The following DSCAM variants were observed in gnomAD, a reference collection of about 807,000 sequenced individuals.
DSCAM encodes cell adhesion molecule DSCAM.
In DSCAM, 47 loss-of-function variants were observed where a neutral mutation model predicts 217.7. The observed-to-expected ratio is 0.22, with a 90% CI of 0.17 to 0.28. The LOEUF (loss-of-function observed/expected upper bound fraction) is 0.28. Ranked by LOEUF, DSCAM falls within the 10% of genes least tolerant of loss-of-function variation. DSCAM has a pLI of 1.00. For synonymous variants in DSCAM, 1,056 were observed against 1,015.3 expected, an observed-to-expected ratio of 1.04 and a Z score of -0.76; for missense variants, 2,080 against 2,618.3, an observed-to-expected ratio of 0.79 and a Z score of 4.49.
At chr21:40,481,897 G>T (rs1252006454) in intron 3 of DSCAM, among the ~76,000 whole-genome samples, 1 of 152,298 alleles carries the variant, frequency 6.6e-6, no homozygotes, top group East Asian at 1.9e-4. Flanking sequence ...TACAGCAAAT[G>T]AAAGGCAGAG....
chr21:40,743,675 T>C (rs559168610), intron 1 of DSCAM, among the ~76,000 whole-genome samples: 9 of 152,160 alleles, frequency 5.9e-5, no homozygotes, highest in African/African-American at 1.7e-4. Flanking sequence ...TACAAGAGAG[T>C]TATTCTGATA....
chr21:40,604,308 T>C (rs1266610712), intron 3 of DSCAM, among the ~76,000 whole-genome samples: 2 of 152,208 alleles, frequency 1.3e-5, no homozygotes, highest in Admixed American at 1.3e-4. Context: ...TTTCCATTTC[T>C]GTGCTGACAT....
Position 40,134,004 on chromosome 21 carries a change from C to A in DSCAM, c.3412G>T (p.Gly1138Cys). The A allele has an allele frequency of 6.2e-7, 1 of 1,607,932 alleles. No homozygotes were observed. Among genetic ancestry groups the A allele is most frequent in the Non-Finnish European group, 8.5e-7 (1 of 1,177,584 alleles). Reference sequence around the variant, plus strand: ...GTGGTGGTGATGTTTTTAATCTCACCCAGCTCTGGAGGACAAGAACAAGAA... The same window carrying A: ...GTGGTGGTGATGTTTTTAATCTCACACAGCTCTGGAGGACAAGAACAAGAA... The part of the protein sequence containing the change: ...YWANLMDGEL[G>C]EIKNITTTQP... The change falls in exon 19 of 33, where the codon GGT becomes TGT. Residue 1138 changes from glycine (G) to cysteine (C), a missense_variant. By Grantham distance (159) the Gly-to-Cys change is radical (BLOSUM62 -3). Transcript: ENST00000400454.
chr21:40,186,859 A>C (rs1159693219), intron 14 of DSCAM, among the ~76,000 whole-genome samples: 1 of 152,170 alleles, frequency 6.6e-6, no homozygotes. Context: ...CCACATGCCA[A>C]CAGGAAGCTG....
At chr21:40,643,967 T>A (rs2089913524) in intron 3 of DSCAM, among the ~76,000 whole-genome samples, 2 of 152,186 alleles carry the variant, frequency 1.3e-5, no homozygotes, top group South Asian at 4.1e-4. Flanking sequence ...CTTCATTCCA[T>A]CCACATTTGT....
intron 8 of DSCAM, among the ~76,000 whole-genome samples, chr21:40,333,866 C>T (rs770731046): frequency 6.6e-6 from 1 of 152,116 alleles, no homozygotes; most frequent in African/African-American, 2.4e-5. Flanking sequence ...TCCCAAGTAG[C>T]TGGGATTACA....
At position 40,592,912 on chromosome 21, in the gene DSCAM, G is replaced by T. The variant is rs547518509; in HGVS notation, c.508+99898C>A. ...AGAACTCACAAGCACGCACATATTT[G>T]TTGAGCTAATGAATTGCAGATATTG... On this transcript the variant is annotated intron_variant, in intron 3 of 32. Coordinates refer to ENST00000400454, the MANE Select transcript of DSCAM (RefSeq NM_001389.5). Among the ~76,000 whole-genome samples the T allele has an allele frequency of 2.4e-4, 37 of 152,284 alleles. No individual in the cohort carries two copies. The South Asian group carries it at 6.4e-3, about 26-fold the overall frequency.
chr21:40,334,429 T>C (rs1342711521), intron 8 of DSCAM, among the ~76,000 whole-genome samples: 1 of 152,134 alleles, frequency 6.6e-6, no homozygotes, highest in African/African-American at 2.4e-5. Flanking sequence ...GTCTTTATTT[T>C]CCTCACACCT....
At chr21:40,183,609 G>A (rs1254035852) in intron 14 of DSCAM, among the ~76,000 whole-genome samples, 1 of 152,186 alleles carries the variant, frequency 6.6e-6, no homozygotes, top group Non-Finnish European at 1.5e-5. Context: ...AGGGTTAAGA[G>A]GTGGGAGGAG....
intron 19 of DSCAM, among the ~76,000 whole-genome samples, chr21:40,127,806 G>T (rs971414857): frequency 3.9e-5 from 6 of 152,126 alleles, no homozygotes; most frequent in African/African-American, 1.4e-4. Context: ...GGTCCACATG[G>T]ACAGGACAGG....
intron 3 of DSCAM, among the ~76,000 whole-genome samples, chr21:40,485,530 C>A (rs1228954722): frequency 6.6e-6 from 1 of 152,050 alleles, no homozygotes; most frequent in Non-Finnish European, 1.5e-5. Context: ...GCGTGAGCCA[C>A]CGCGCCCGGC....
intron 10 of DSCAM, among the ~76,000 whole-genome samples, chr21:40,294,605 T>C (rs777942832): frequency 6.6e-6 from 1 of 152,012 alleles, no homozygotes; most frequent in Non-Finnish European, 1.5e-5. Flanking sequence ...TTTATGAGAG[T>C]GAAAACTGTA....
At chr21:40,434,343 C>T (rs2075564232) in intron 3 of DSCAM, among the ~76,000 whole-genome samples, 1 of 152,196 alleles carries the variant, frequency 6.6e-6, no homozygotes, top group Non-Finnish European at 1.5e-5. Context: ...CGTCAAACAT[C>T]AGCAAATGAG....
At chr21:40,376,495 CTATA>C (rs1326572184) in intron 3 of DSCAM, among the ~76,000 whole-genome samples, 2 of 104,816 alleles carry the variant, frequency 1.9e-5, no homozygotes, top group Non-Finnish European at 3.8e-5. Flanking sequence ...ATATAGATAT[CTATA>C]TATCTTATAT....
chr21:40,083,656 T>C (rs1463467599), intron 24 of DSCAM, among the ~76,000 whole-genome samples: 1 of 152,252 alleles, frequency 6.6e-6, no homozygotes, highest in Non-Finnish European at 1.5e-5. Flanking sequence ...AAATTTCTTT[T>C]TTCTTTCTTT....
chr21:40,669,479 C>T (rs2090243897), intron 3 of DSCAM, among the ~76,000 whole-genome samples: 1 of 152,154 alleles, frequency 6.6e-6, no homozygotes, highest in Non-Finnish European at 1.5e-5. Context: ...AAAATCTCTG[C>T]TTTCCTGTAG....
In DSCAM at chr21:40,613,804, GA is replaced by G. The variant is rs528193281; in HGVS notation, c.508+79005del. Reference sequence around the variant, plus strand: ...GATGGGCTATAATTTAGCAGAGAAGGAAAAAAAAAAAAGGCAATCCAATTAA... The same window carrying G: ...GATGGGCTATAATTTAGCAGAGAAGGAAAAAAAAAAAGGCAATCCAATTAA... On this transcript the variant is annotated intron_variant, in intron 3 of 32. Coordinates refer to ENST00000400454, the MANE Select transcript of DSCAM (RefSeq NM_001389.5). Among the ~76,000 whole-genome samples, 299 of 138,294 alleles carry G rather than the reference GA, an allele frequency of 2.2e-3. 3 individuals carry two copies. The highest frequency in any genetic ancestry group is 0.011 in the Middle Eastern group (3 of 268). 90.7% of individuals were successfully genotyped at this position (138,294 alleles called of 152,430 possible).
chr21:40,618,199 TG>T (rs1681509694), intron 3 of DSCAM, among the ~76,000 whole-genome samples: 2 of 152,258 alleles, frequency 1.3e-5, no homozygotes, highest in South Asian at 4.1e-4. Context: ...ATCAACAGGC[TG>T]CTTGATGCCT....
At chr21:40,683,634 G>T (rs572634977) in intron 3 of DSCAM, among the ~76,000 whole-genome samples, 1 of 152,266 alleles carries the variant, frequency 6.6e-6, no homozygotes, top group South Asian at 2.1e-4. Flanking sequence ...GCCGGAGCAG[G>T]TAAGGGGACC....
Sources: allele counts gnomAD v4.1 joint callset (sites outside exome capture counted in the v4.1 genomes callset), GRCh38; gene constraint gnomAD v4.1.1; transcripts MANE v1.5; gene names NCBI Gene and HGNC (gene_info 2026-07-23, HGNC 2026-07-21).